Variants in KCNJ12 observed in about 807,000 individuals in gnomAD.
KCNJ12 encodes the protein ATP-sensitive inward rectifier potassium channel 12.
Under a neutral mutation model 22.3 loss-of-function variants are expected in KCNJ12, and 2 were observed. That is an observed-to-expected ratio of 0.09 (90% CI 0.04 to 0.28). KCNJ12 has a LOEUF of 0.28. KCNJ12 is among the 10% of genes least tolerant of loss of function. The pLI is 1.00. For missense variants in KCNJ12, 155 were observed against 633.3 expected, an observed-to-expected ratio of 0.24 and a Z score of 8.11; for synonymous variants, 117 against 261.4, an observed-to-expected ratio of 0.45 and a Z score of 5.33.
Position 21,379,341 on chromosome 17 carries a change from C to T in KCNJ12, c.-179+2428C>T, listed in dbSNP as rs1238779852. Among the ~76,000 whole-genome samples, 7 of 152,204 alleles carry T rather than the reference C, an allele frequency of 4.6e-5. No individual in the cohort carries two copies. The South Asian group carries it at 1.0e-3, about 23-fold the overall frequency. On this transcript the variant is annotated intron_variant, in intron 1 of 2. Coordinates refer to ENST00000583088, the MANE Select transcript of KCNJ12 (RefSeq NM_021012.5). Reference sequence around the variant, plus strand: ...TACTGTCATCAACCTCTGTGGCCCTCGCCAGGTCCCCAGGCAGAAGGCTAC... The same window carrying T: ...TACTGTCATCAACCTCTGTGGCCCTTGCCAGGTCCCCAGGCAGAAGGCTAC...
At chr17:21,413,990 A>T (rs73979882) in intron 2 of KCNJ12, among the ~76,000 whole-genome samples, 4 of 152,154 alleles carry the variant, frequency 2.6e-5, no homozygotes, top group South Asian at 2.1e-4. Flanking sequence ...TCAGCCAGGG[A>T]GCAGCCCATG....
chr17:21,394,500 G>C (rs1036814125), intron 1 of KCNJ12, among the ~76,000 whole-genome samples: 3 of 152,206 alleles, frequency 2.0e-5, no homozygotes, highest in African/African-American at 7.2e-5. Flanking sequence ...AGGCATGACT[G>C]TATGGTACTC....
At chr17:21,409,089 T>C (rs1289834041) in intron 2 of KCNJ12, among the ~76,000 whole-genome samples, 2 of 152,298 alleles carry the variant, frequency 1.3e-5, no homozygotes, top group Admixed American at 6.5e-5. Context: ...TGGGTGCCCC[T>C]CTTTGCTATA....
chr17:21,404,637 A>G (rs78939263), intron 1 of KCNJ12, among the ~76,000 whole-genome samples: 2 of 152,190 alleles, frequency 1.3e-5, no homozygotes, highest in Non-Finnish European at 2.9e-5. Context: ...CCCTGTTCCT[A>G]GGACTTAACG....
intron 1 of KCNJ12, among the ~76,000 whole-genome samples, chr17:21,385,904 C>T (rs2144769664): frequency 6.6e-6 from 1 of 152,350 alleles, no homozygotes; most frequent in Admixed American, 6.5e-5. Flanking sequence ...GTGTCCTCCC[C>T]TGTGAAATGG....
At chr17:21,409,615 G>A (rs1291448575) in intron 2 of KCNJ12, among the ~76,000 whole-genome samples, 3 of 152,304 alleles carry the variant, frequency 2.0e-5, no homozygotes, top group African/African-American at 7.2e-5. Flanking sequence ...GCTCCCATCA[G>A]TCACTGACTG....
intron 1 of KCNJ12, among the ~76,000 whole-genome samples, chr17:21,400,945 C>T (rs1905584084): frequency 1.3e-5 from 2 of 152,308 alleles, no homozygotes; most frequent in African/African-American, 4.8e-5. Context: ...TGTGCAGCTC[C>T]AGCGGTCTGC....
chr17:21,402,226 C>T (rs1905656011), intron 1 of KCNJ12, among the ~76,000 whole-genome samples: 1 of 152,310 alleles, frequency 6.6e-6, no homozygotes, highest in Non-Finnish European at 1.5e-5. Context: ...AAGGAGTACC[C>T]TCTTCCCTCA....
intron 1 of KCNJ12, among the ~76,000 whole-genome samples, chr17:21,398,941 C>T (rs1555560189): frequency 6.6e-6 from 1 of 152,182 alleles, no homozygotes; most frequent in Non-Finnish European, 1.5e-5. Flanking sequence ...ATGATTAGGC[C>T]CATTCCACAG....
At position 21,416,781 on chromosome 17, in the gene KCNJ12, T is replaced by A; in HGVS notation, c.*137T>A. ...AGTAGCGTTTTAGTCGTTTTATGTT[T>A]CTTTGCAACGGCCTCAGAAGTTTGG... On this transcript the variant is annotated 3_prime_UTR_variant, in exon 3 of 3. Coordinates refer to ENST00000583088, the MANE Select transcript of KCNJ12 (RefSeq NM_021012.5). 2 of 1,395,772 alleles carry A rather than the reference T, an allele frequency of 1.4e-6. No individual in the cohort carries two copies. Among genetic ancestry groups the A allele is most frequent in the Non-Finnish European group, 1.9e-6 (2 of 1,051,406 alleles). The allele number at this position is 1,395,772 out of a possible 1,614,324, so 86.5% of individuals were successfully genotyped here.
chr17:21,388,863 G>A (rs1466414885), intron 1 of KCNJ12, among the ~76,000 whole-genome samples: 1 of 152,030 alleles, frequency 6.6e-6, no homozygotes, highest in Admixed American at 6.6e-5. Context: ...GGCCCCGCTG[G>A]GCCCCCCCCG....
chr17:21,390,893 A>G (rs1905194465), intron 1 of KCNJ12, among the ~76,000 whole-genome samples: 2 of 152,132 alleles, frequency 1.3e-5, no homozygotes, highest in African/African-American at 4.8e-5. Flanking sequence ...ACTGTCGTGC[A>G]GCCATCACCT....
Position 21,415,491 on chromosome 17 carries a change from A to G in KCNJ12, c.149A>G (p.Asn50Ser), listed in dbSNP as rs782366733. The G allele has an allele frequency of 6.2e-7, 1 of 1,614,238 alleles. No individual in the cohort carries two copies. Among genetic ancestry groups the G allele is most frequent in the East Asian group, 2.2e-5 (1 of 44,894 alleles). Residue 50 changes from asparagine (N) to serine (S), a missense_variant, in exon 3 of 3, where the codon AAT (asparagine) becomes AGT (serine). Coordinates refer to ENST00000583088, the MANE Select transcript of KCNJ12 (RefSeq NM_021012.5). ...RRCRNRFVKK[N>S]GQCNIEFANM... ...TGCCGCAACCGCTTCGTCAAGAAGA[A>G]TGGCCAGTGCAACATTGAGTTCGCC...
At position 21,416,436 on chromosome 17, in the gene KCNJ12, A is replaced by G. The variant is rs782338479; in HGVS notation, c.1094A>G (p.Asn365Ser). 3.7e-6 allele frequency: 6 copies of G among 1,614,108 alleles called. No individual in the cohort carries two copies. The highest frequency in any genetic ancestry group is 1.1e-5 in the South Asian group (1 of 91,092). ...PRCSAKDLVENKFLLPSANSF... is the reference protein window; with the variant it reads ...PRCSAKDLVESKFLLPSANSF... ...TGCAGTGCGAAGGATCTGGTAGAGAACAAGTTCCTGCTGCCCAGCGCCAAC... is the reference window on the plus strand; with the variant it reads ...TGCAGTGCGAAGGATCTGGTAGAGAGCAAGTTCCTGCTGCCCAGCGCCAAC... The change falls in exon 3 of 3, where the codon AAC becomes AGC. Residue 365 changes from asparagine to serine, a missense_variant. Transcript: ENST00000583088.
At position 21,394,101 on chromosome 17, in the gene KCNJ12, T is replaced by C. The variant is rs540216777; in HGVS notation, c.-178-14418T>C. On this transcript the variant is annotated intron_variant, in intron 1 of 2. Coordinates refer to ENST00000583088, the MANE Select transcript of KCNJ12 (RefSeq NM_021012.5). ...AGTGTACTCATCTGTAAAATTATAA[T>C]ATCTATCTCGTGGGGATCTCGTCAC... Among the ~76,000 whole-genome samples, 5 of 152,306 alleles carry C rather than the reference T, an allele frequency of 3.3e-5. No homozygotes were observed. In the East Asian group the frequency reaches 9.6e-4, roughly 29 times the overall value.
intron 1 of KCNJ12, among the ~76,000 whole-genome samples, chr17:21,397,308 A>T (rs1360824642): frequency 1.3e-5 from 2 of 152,212 alleles, no homozygotes; most frequent in African/African-American, 4.8e-5. Context: ...CTCCTGCTGC[A>T]GGCTCTCGAG....
chr17:21,382,989 G>A lies in KCNJ12; in HGVS notation c.-179+6076G>A, dbSNP rs144261063. On this transcript the variant is annotated intron_variant, in intron 1 of 2. Coordinates refer to ENST00000583088, the MANE Select transcript of KCNJ12 (RefSeq NM_021012.5). ...CACAGCCGGAGGTCACACAGTTCCCGGAGGAAGGCTGGGGCGCAGCCTTGA... is the reference window on the plus strand; with the variant it reads ...CACAGCCGGAGGTCACACAGTTCCCAGAGGAAGGCTGGGGCGCAGCCTTGA... Among the ~76,000 whole-genome samples, 1,480 of 152,316 alleles carry A rather than the reference G, an allele frequency of 9.7e-3. 22 individuals carry two copies. The highest frequency in any genetic ancestry group is 0.032 in the African/African-American group (1,332 of 41,566).
At chr17:21,407,605 A>C (rs1906036497) in intron 1 of KCNJ12, among the ~76,000 whole-genome samples, 1 of 150,708 alleles carries the variant, frequency 6.6e-6, no homozygotes, top group East Asian at 2.0e-4. Flanking sequence ...CCATCCATCC[A>C]TCCACCCATT....
chr17:21,377,526 C>T (rs1374969601), intron 1 of KCNJ12, among the ~76,000 whole-genome samples: 1 of 152,208 alleles, frequency 6.6e-6, no homozygotes, highest in African/African-American at 2.4e-5. Flanking sequence ...CGGCCTTGAT[C>T]TCCGAGGGGA....
Sources: allele counts gnomAD v4.1 joint callset (sites outside exome capture counted in the v4.1 genomes callset), GRCh38; gene constraint gnomAD v4.1.1; transcripts MANE v1.5; gene names NCBI Gene and HGNC (gene_info 2026-07-23, HGNC 2026-07-21).